CTNNA3: variants seen among roughly 807,000 people sequenced by gnomAD.
The protein encoded by CTNNA3 is catenin alpha 3.
Under a neutral mutation model 95.7 loss-of-function variants are expected in CTNNA3, and 76 were observed. That is an observed-to-expected ratio of 0.79 (90% CI 0.66 to 0.96). CTNNA3 has a LOEUF of 0.96. Ranked by LOEUF, CTNNA3 falls within the 40% of genes least tolerant of loss-of-function variation. The probability of loss-of-function intolerance (pLI) is 0.00; values close to 1 mark genes in which losing one functional copy is unlikely to be tolerated. For missense variants in CTNNA3, 1,191 were observed against 1,089.8 expected (o/e 1.09, Z -1.31); for synonymous variants, 431 against 374.4 (o/e 1.15, Z -1.74).
At chr10:67,237,439 C>T (rs1285374529) in intron 5 of CTNNA3, among the ~76,000 whole-genome samples, 3 of 150,900 alleles carry the variant, frequency 2.0e-5, no homozygotes, top group Non-Finnish European at 3.0e-5. Context: ...GCAGTGTATA[C>T]CGCTCAGATG....
chr10:66,433,947 G>A (rs10997125), intron 11 of CTNNA3, among the ~76,000 whole-genome samples: 58,104 of 151,920 alleles, frequency 0.38, 11,667 homozygotes, highest in African/African-American at 0.5. Context: ...AAGATCAGAT[G>A]GCTGTAGATG....
intron 7 of CTNNA3, among the ~76,000 whole-genome samples, chr10:67,009,511 T>G (rs1048489604): frequency 1.3e-5 from 2 of 152,176 alleles, no homozygotes; most frequent in South Asian, 4.1e-4. Flanking sequence ...CTCATAGATA[T>G]TTTTTCAGGC....
chr10:66,795,338 T>C (rs1029940736), intron 7 of CTNNA3, among the ~76,000 whole-genome samples: 9 of 152,188 alleles, frequency 5.9e-5, no homozygotes, highest in Non-Finnish European at 4.4e-5. Context: ...ACAACATTCA[T>C]CACCTTGTAA....
At chr10:66,624,149 C>T (rs887490447) in intron 9 of CTNNA3, among the ~76,000 whole-genome samples, 3 of 152,096 alleles carry the variant, frequency 2.0e-5, no homozygotes, top group African/African-American at 2.4e-5. Flanking sequence ...ACAAGGATAT[C>T]GGGAGTTTTT....
intron 10 of CTNNA3, among the ~76,000 whole-genome samples, chr10:66,596,284 T>A (rs1244388764): frequency 6.6e-6 from 1 of 152,228 alleles, no homozygotes; most frequent in East Asian, 1.9e-4. Flanking sequence ...CTCCCCCAGC[T>A]AACTGATATG....
intron 10 of CTNNA3, among the ~76,000 whole-genome samples, chr10:66,556,797 A>G (rs1334766070): frequency 6.6e-6 from 1 of 152,100 alleles, no homozygotes; most frequent in Non-Finnish European, 1.5e-5. Context: ...CTAGCGATCT[A>G]ACTTTCAGCA....
chr10:66,577,399 C>T (rs1005293221), intron 10 of CTNNA3, among the ~76,000 whole-genome samples: 1 of 152,052 alleles, frequency 6.6e-6, no homozygotes, highest in Non-Finnish European at 1.5e-5. Flanking sequence ...AAATTCTTTG[C>T]AAAGGCCCAT....
intron 13 of CTNNA3, among the ~76,000 whole-genome samples, chr10:66,217,902 G>A (rs1025900855): frequency 6.8e-6 from 1 of 147,298 alleles, no homozygotes; most frequent in African/African-American, 2.5e-5. Context: ...CAGACTGCGG[G>A]TACCAGATGA....
chr10:67,060,137 G>A (rs1463680946), intron 7 of CTNNA3, among the ~76,000 whole-genome samples: 3 of 151,958 alleles, frequency 2.0e-5, no homozygotes, highest in South Asian at 2.1e-4. Flanking sequence ...GCAACATGGC[G>A]AAACCCCATC....
chr10:67,011,133 T>A (rs1215336126), intron 7 of CTNNA3, among the ~76,000 whole-genome samples: 1 of 151,938 alleles, frequency 6.6e-6, no homozygotes, highest in African/African-American at 2.4e-5. Context: ...GTCAAGACCA[T>A]CCTGGCTAAC....
chr10:67,520,123 G>C (rs940244892), intron 5 of CTNNA3, among the ~76,000 whole-genome samples: 1 of 152,116 alleles, frequency 6.6e-6, no homozygotes, highest in African/African-American at 2.4e-5. Context: ...TCACTGTATT[G>C]TTATAAGCAT....
intron 12 of CTNNA3, among the ~76,000 whole-genome samples, chr10:66,344,888 C>A (rs916015920): frequency 4.0e-5 from 6 of 151,842 alleles, no homozygotes; most frequent in Non-Finnish European, 7.4e-5. Context: ...GCTTTCTTGC[C>A]CACAAGTATA....
At chr10:66,206,558 G>A (rs1189140003) in intron 13 of CTNNA3, among the ~76,000 whole-genome samples, 1 of 151,908 alleles carries the variant, frequency 6.6e-6, no homozygotes, top group Non-Finnish European at 1.5e-5. Flanking sequence ...CAAGATACCA[G>A]TGAAGAACAC....
Position 66,246,777 on chromosome 10 carries a change from G to T in CTNNA3, c.1884+33693C>A, listed in dbSNP as rs142843865. Among the ~76,000 whole-genome samples the T allele has an allele frequency of 3.5e-3, 527 of 152,026 alleles. 2 individuals carry two copies. Among genetic ancestry groups the T allele is most frequent in the African/African-American group, 0.012 (497 of 41,486 alleles). Reference sequence around the variant, plus strand: ...GAAGAATTAGTGAGTTTTGGGATGGGAGCAGTGGCTCATGTCTGCAATCCC... The same window carrying T: ...GAAGAATTAGTGAGTTTTGGGATGGTAGCAGTGGCTCATGTCTGCAATCCC... On this transcript the variant is annotated intron_variant, in intron 13 of 17. Transcript: ENST00000433211.
intron 7 of CTNNA3, among the ~76,000 whole-genome samples, chr10:66,957,506 A>G (rs1279384938): frequency 6.7e-6 from 1 of 148,846 alleles, no homozygotes; most frequent in East Asian, 2.0e-4. Flanking sequence ...GTTTTCTTGT[A>G]CTCTTGGGCA....
At chr10:65,995,332 T>C (rs1251598697) in intron 15 of CTNNA3, among the ~76,000 whole-genome samples, 2 of 152,248 alleles carry the variant, frequency 1.3e-5, no homozygotes, top group African/African-American at 4.8e-5. Context: ...AAGATCTATC[T>C]GTAGTGTTGG....
intron 13 of CTNNA3, among the ~76,000 whole-genome samples, chr10:66,181,432 C>G (rs1315022433): frequency 6.6e-6 from 1 of 152,052 alleles, no homozygotes; most frequent in Non-Finnish European, 1.5e-5. Context: ...ACTTTTGGGG[C>G]TCTATTATTA....
Position 65,992,934 on chromosome 10 carries a change from G to A in CTNNA3, c.2160-4137C>T, listed in dbSNP as rs893786867. On this transcript the variant is annotated intron_variant, in intron 15 of 17. Transcript: ENST00000433211. ...TCTATCCTATAGGTTTTGGTATATT[G>A]TGTTTTTATTTTCTTTCTTTTTCAG... Among the ~76,000 whole-genome samples the A allele has an allele frequency of 3.9e-5, 6 of 151,914 alleles. No homozygotes were observed. The South Asian group carries it at 1.2e-3, about 31-fold the overall frequency.
At chr10:66,001,602 A>C (rs1396124807) in intron 15 of CTNNA3, among the ~76,000 whole-genome samples, 1 of 152,218 alleles carries the variant, frequency 6.6e-6, no homozygotes, top group Admixed American at 6.5e-5. Flanking sequence ...GGCATTTGTC[A>C]CATGGTAAGG....
Sources: allele counts gnomAD v4.1 joint callset (sites outside exome capture counted in the v4.1 genomes callset), GRCh38; gene constraint gnomAD v4.1.1; transcripts MANE v1.5; gene names NCBI Gene and HGNC (gene_info 2026-07-23, HGNC 2026-07-21).